The following TMCO1 variants were observed in gnomAD, a reference collection of about 807,000 sequenced individuals.
The protein encoded by TMCO1 is calcium load-activated calcium channel.
Under a neutral mutation model 29.3 loss-of-function variants are expected in TMCO1, and 29 were observed. The ratio of observed to expected loss-of-function variants is 0.99; its 90% CI spans 0.74 to 1.35. The LOEUF (loss-of-function observed/expected upper bound fraction) is 1.35, where lower values mean the gene tolerates loss of function less well. Ranked by LOEUF, TMCO1 falls within the 40% of genes most tolerant of loss-of-function variation. TMCO1 has a pLI of 0.00. For synonymous variants in TMCO1, 80 were observed against 77.1 expected, an observed-to-expected ratio of 1.04 and a Z score of -0.20; for missense variants, 173 against 225.5, an observed-to-expected ratio of 0.77 and a Z score of 1.49.
intron 5 of TMCO1, among the ~76,000 whole-genome samples, chr1:165,746,054 G>T (rs1191122034): frequency 6.6e-6 from 1 of 152,116 alleles, no homozygotes; most frequent in African/African-American, 2.4e-5. Context: ...GGCTGAGGCG[G>T]GTGGATCACG....
intron 6 of TMCO1, among the ~76,000 whole-genome samples, chr1:165,734,069 C>T (rs1187248227): frequency 6.6e-6 from 1 of 152,248 alleles, no homozygotes; most frequent in African/African-American, 2.4e-5. Context: ...GTTTCTCTGA[C>T]ATCTGGCAAC....
At chr1:165,765,215 G>A (rs1652524661) in intron 2 of TMCO1, among the ~76,000 whole-genome samples, 1 of 152,134 alleles carries the variant, frequency 6.6e-6, no homozygotes, top group South Asian at 2.1e-4. Flanking sequence ...AGTAATAAAA[G>A]CAACAGAAAA....
chr1:165,733,601 A>C (rs559845980), intron 6 of TMCO1, among the ~76,000 whole-genome samples: 1 of 151,298 alleles, frequency 6.6e-6, no homozygotes, highest in East Asian at 1.9e-4. Context: ...ATCTCAAAAA[A>C]AACAAAAAAA....
At chr1:165,753,351 T>C (rs1652068105) in intron 4 of TMCO1, among the ~76,000 whole-genome samples, 1 of 151,288 alleles carries the variant, frequency 6.6e-6, no homozygotes, top group Non-Finnish European at 1.5e-5. Context: ...CACACGCCTG[T>C]AATCCCAGCT....
At chr1:165,755,317 T>C (rs1652154156) in intron 3 of TMCO1, among the ~76,000 whole-genome samples, 1 of 152,132 alleles carries the variant, frequency 6.6e-6, no homozygotes, top group African/African-American at 2.4e-5. Context: ...AGGCCTAGAA[T>C]GAGTGTATAA....
intron 6 of TMCO1, among the ~76,000 whole-genome samples, chr1:165,729,503 A>G (rs952911957): frequency 3.3e-5 from 5 of 151,930 alleles, no homozygotes; most frequent in Admixed American, 2.6e-4. Context: ...TTTTTTTAGT[A>G]GAGAAGGGGT....
chr1:165,768,522 C>A (rs1483514394), intron 1 of TMCO1, 160 bp downstream of exon 1: 1 of 1,552,128 alleles, frequency 6.4e-7, no homozygotes, highest in Non-Finnish European at 8.7e-7. Flanking sequence ...CCATACTCCC[C>A]TCCTGCTCCT....
chr1:165,742,268 C>G (rs1360765948), intron 6 of TMCO1, among the ~76,000 whole-genome samples: 1 of 147,336 alleles, frequency 6.8e-6, no homozygotes, highest in Non-Finnish European at 1.5e-5. Flanking sequence ...GGCTCCCCCC[C>G]TTTTCTTTTT....
Position 165,730,304 on chromosome 1 carries a change from T to C in TMCO1, c.469-2183A>G, listed in dbSNP as rs1057041191. On this transcript the variant is annotated intron_variant, in intron 6 of 6. Coordinates refer to ENST00000367881, the MANE Select transcript of TMCO1 (RefSeq NM_019026.6). Reference sequence around the variant, plus strand: ...GTGAGCCGAGATCGCGCCACTGCACTCCAGCCTGGGCGACGGCGAGACTCC... The same window carrying C: ...GTGAGCCGAGATCGCGCCACTGCACCCCAGCCTGGGCGACGGCGAGACTCC... Among the ~76,000 whole-genome samples, 7 of 151,604 alleles carry C rather than the reference T, an allele frequency of 4.6e-5. 2 individuals carry two copies. Among genetic ancestry groups the C allele is most frequent in the Admixed American group, 4.6e-4 (7 of 15,254 alleles).
intron 4 of TMCO1, among the ~76,000 whole-genome samples, chr1:165,753,802 T>C (rs1367607450): frequency 6.6e-6 from 1 of 151,886 alleles, no homozygotes; most frequent in Non-Finnish European, 1.5e-5. Context: ...CAAAGCAAGA[T>C]CCTGTCTCTA....
At chr1:165,756,110 A>G (rs922465557) in intron 3 of TMCO1, among the ~76,000 whole-genome samples, 1 of 152,162 alleles carries the variant, frequency 6.6e-6, no homozygotes, top group African/African-American at 2.4e-5. Flanking sequence ...CTGATTCAGT[A>G]AAGTCTGGGA....
chr1:165,743,963 G>A (rs957733735), intron 5 of TMCO1, among the ~76,000 whole-genome samples: 14 of 151,604 alleles, frequency 9.2e-5, no homozygotes, highest in South Asian at 2.1e-4. Flanking sequence ...TGCTTCAAGC[G>A]ATTCTCCTGC....
At chr1:165,728,958 T>C (rs1417119169) in intron 6 of TMCO1, among the ~76,000 whole-genome samples, 4 of 151,846 alleles carry the variant, frequency 2.6e-5, no homozygotes, top group African/African-American at 7.3e-5. Flanking sequence ...ATACAAAAAT[T>C]AGCTGGGCAT....
intron 6 of TMCO1, among the ~76,000 whole-genome samples, chr1:165,732,500 T>C (rs1178069751): frequency 6.9e-6 from 1 of 145,136 alleles, no homozygotes; most frequent in Non-Finnish European, 1.5e-5. Flanking sequence ...TCTCTCTCTC[T>C]CTCTCTATAT....
intron 2 of TMCO1, among the ~76,000 whole-genome samples, chr1:165,764,404 A>C (rs890307095): frequency 6.6e-6 from 1 of 152,154 alleles, no homozygotes; most frequent in African/African-American, 2.4e-5. Context: ...ATATAGGTAA[A>C]ACTGCAGTTG....
Position 165,768,179 on chromosome 1 carries a change from T to C in TMCO1, c.148+13A>G, listed in dbSNP as rs146699918. On this transcript the variant is annotated intron_variant, in intron 2 of 6. Coordinates refer to ENST00000367881, the MANE Select transcript of TMCO1 (RefSeq NM_019026.6). The stretch of plus-strand genomic sequence containing the variant: ...ACGTGTTGAAATTATTTCTAATGTG[T>C]TGCCATACTCACATTTTTTACTCTG... 2.5e-6 allele frequency: 4 copies of C among 1,599,254 alleles called. No individual in the cohort carries two copies. The African/African-American group carries it at 4.0e-5, about 16-fold the overall frequency.
At chr1:165,734,781 G>A (rs1391261685) in intron 6 of TMCO1, among the ~76,000 whole-genome samples, 1 of 152,158 alleles carries the variant, frequency 6.6e-6, no homozygotes. Context: ...AGGATTACAG[G>A]TGTGAGCCAC....
chr1:165,753,273 G>C (rs1356868201), intron 4 of TMCO1, among the ~76,000 whole-genome samples: 1 of 151,860 alleles, frequency 6.6e-6, no homozygotes, highest in Non-Finnish European at 1.5e-5. Context: ...AGGAGTTCAA[G>C]ACCAGCCTGG....
At chr1:165,724,818 C>T (rs1650785452), downstream of TMCO1, 1 of 453,816 alleles carries the variant, frequency 2.2e-6, no homozygotes. Flanking sequence ...ATTCAGATTA[C>T]ACATATTTTT....
Sources: allele counts gnomAD v4.1 joint callset (sites outside exome capture counted in the v4.1 genomes callset), GRCh38; gene constraint gnomAD v4.1.1; transcripts MANE v1.5; gene names NCBI Gene and HGNC (gene_info 2026-07-23, HGNC 2026-07-21).